The following CSMD1 variants were observed in gnomAD, a reference collection of about 807,000 sequenced individuals.
The protein encoded by CSMD1 is CUB and sushi domain-containing protein 1.
Under a neutral mutation model 417.5 loss-of-function variants are expected in CSMD1, and 213 were observed. That is an observed-to-expected ratio of 0.51 (90% CI 0.46 to 0.57). CSMD1 has a LOEUF of 0.57. Among genes scored for constraint, CSMD1 ranks in the 20% least tolerant of loss-of-function variants. The probability of loss-of-function intolerance (pLI) is 0.00; values close to 1 mark genes in which losing one functional copy is unlikely to be tolerated. For synonymous variants in CSMD1, 2,862 were observed against 1,736.8 expected (o/e 1.65, Z -16.11); for missense variants, 6,923 against 4,529.7 (o/e 1.53, Z -15.17).
At chr8:4,246,510 G>C (rs144704290) in intron 3 of CSMD1, among the ~76,000 whole-genome samples, 4 of 152,200 alleles carry the variant, frequency 2.6e-5, no homozygotes, top group Admixed American at 2.0e-4. Context: ...AAAATTGTAA[G>C]ACCCTTGTGA....
In CSMD1 at chr8:3,091,537, C is replaced by G; in HGVS notation, c.7264G>C (p.Gly2422Arg). The G allele has an allele frequency of 6.2e-7, 1 of 1,605,306 alleles. No homozygotes were observed. Among genetic ancestry groups the G allele is most frequent in the Non-Finnish European group, 8.5e-7 (1 of 1,177,916 alleles). ...TTACCTGCATAGCGAATCTTGAATC[C>G]TTTCTTACTGGTGGCATGGTCAGTG... ...WSTDHATSKK[G>R]FKIRYAAPYC... The change falls in exon 48 of 70, where the codon GGA becomes CGA. Residue 2422 changes from glycine to arginine, a missense_variant. Gly to Arg is a moderately radical substitution (Grantham distance 125, BLOSUM62 -2). Transcript: ENST00000635120.
At chr8:4,296,696 G>A (rs866462967) in intron 3 of CSMD1, among the ~76,000 whole-genome samples, 9 of 114,860 alleles carry the variant, frequency 7.8e-5, no homozygotes, top group African/African-American at 3.0e-4. Context: ...GAAAATAAGG[G>A]TTTTTTTTTT....
chr8:3,021,252 T>C (rs1467515828), intron 51 of CSMD1, among the ~76,000 whole-genome samples: 1 of 152,216 alleles, frequency 6.6e-6, no homozygotes, highest in Admixed American at 6.5e-5. Context: ...TCTAACAAGA[T>C]TTACTCAATT....
chr8:3,087,039 G>T, intron 49 of CSMD1, 58 bp downstream of exon 49: 1 of 1,411,452 alleles, frequency 7.1e-7, no homozygotes, highest in Non-Finnish European at 1.0e-6. Context: ...TTCAGAGAGT[G>T]ATTAAAATGA....
chr8:3,131,735 A>G (rs891749225), intron 41 of CSMD1, among the ~76,000 whole-genome samples: 4 of 152,228 alleles, frequency 2.6e-5, no homozygotes, highest in Middle Eastern at 3.4e-3. Flanking sequence ...GCCTCCCAAA[A>G]TGTTGGGATT....
intron 6 of CSMD1, among the ~76,000 whole-genome samples, chr8:3,720,938 C>G (rs1313116377): frequency 1.3e-5 from 2 of 152,100 alleles, no homozygotes; most frequent in East Asian, 3.9e-4. Context: ...GCCTCAGCCT[C>G]CCAACTAGCT....
At chr8:4,729,905 G>A (rs1157652530) in intron 1 of CSMD1, among the ~76,000 whole-genome samples, 1 of 152,020 alleles carries the variant, frequency 6.6e-6, no homozygotes. Flanking sequence ...AAACTTCAGC[G>A]GGAGTTTTGA....
At chr8:3,958,526 G>A (rs997591759) in intron 5 of CSMD1, among the ~76,000 whole-genome samples, 5 of 151,992 alleles carry the variant, frequency 3.3e-5, no homozygotes, top group African/African-American at 9.7e-5. Context: ...ATTCTTCTGG[G>A]TTTAGTTCTA....
intron 12 of CSMD1, among the ~76,000 whole-genome samples, chr8:3,453,228 C>G (rs921381765): frequency 1.9e-4 from 29 of 151,994 alleles, no homozygotes; most frequent in African/African-American, 6.3e-4. Flanking sequence ...GTCTTGCTAG[C>G]AGTCTATCAA....
intron 10 of CSMD1, among the ~76,000 whole-genome samples, chr8:3,512,510 G>A (rs1213851291): frequency 2.0e-5 from 3 of 151,586 alleles, no homozygotes; most frequent in South Asian, 2.1e-4. Flanking sequence ...CACATGAACG[G>A]CTGGGCTGGT....
chr8:4,818,068 A>T (rs1047893517), intron 1 of CSMD1, among the ~76,000 whole-genome samples: 2 of 152,200 alleles, frequency 1.3e-5, no homozygotes, highest in East Asian at 3.9e-4. Context: ...CAAGGTAACC[A>T]ACTCAGGAGG....
intron 3 of CSMD1, among the ~76,000 whole-genome samples, chr8:4,325,004 G>C (rs572904554): frequency 2.6e-5 from 4 of 152,164 alleles, no homozygotes; most frequent in African/African-American, 9.6e-5. Flanking sequence ...TTCCTGGTGT[G>C]GTCACTCATT....
At chr8:3,250,953 C>G (rs960332079) in intron 26 of CSMD1, among the ~76,000 whole-genome samples, 4 of 152,084 alleles carry the variant, frequency 2.6e-5, no homozygotes, top group African/African-American at 7.2e-5. Flanking sequence ...ATTGTAGATT[C>G]TGGATATTAG....
At chr8:3,514,390 G>T (rs1371671267) in intron 10 of CSMD1, among the ~76,000 whole-genome samples, 1 of 152,146 alleles carries the variant, frequency 6.6e-6, no homozygotes, top group Non-Finnish European at 1.5e-5. Flanking sequence ...AATACAACAT[G>T]CAATCTCTTG....
chr8:3,473,139 G>C (rs535033971), intron 11 of CSMD1, among the ~76,000 whole-genome samples: 8 of 152,226 alleles, frequency 5.3e-5, no homozygotes, highest in African/African-American at 1.4e-4. Flanking sequence ...AACTACTTTA[G>C]ACATACCTCT....
chr8:4,963,469 G>A (rs11136814), intron 1 of CSMD1, among the ~76,000 whole-genome samples: 2,366 of 152,168 alleles, frequency 0.016, 60 homozygotes, highest in African/African-American at 0.054. Context: ...CAAAGTGCTG[G>A]GATTACAGGG....
At chr8:3,595,829 C>T (rs1801065186) in intron 8 of CSMD1, among the ~76,000 whole-genome samples, 1 of 152,194 alleles carries the variant, frequency 6.6e-6, no homozygotes, top group South Asian at 2.1e-4. Flanking sequence ...CCTATCTATA[C>T]AAAGGCAAAA....
intron 3 of CSMD1, among the ~76,000 whole-genome samples, chr8:4,183,431 G>A (rs567338573): frequency 1.8e-4 from 27 of 152,310 alleles, no homozygotes; most frequent in African/African-American, 6.5e-4. Context: ...GTGGGTCACA[G>A]CTTGTCAATA....
At chr8:3,730,338 C>T (rs1428081793) in intron 6 of CSMD1, among the ~76,000 whole-genome samples, 1 of 150,502 alleles carries the variant, frequency 6.6e-6, no homozygotes, top group Non-Finnish European at 1.5e-5. Context: ...CTGATGCATT[C>T]TCCTCATGCT....
Sources: allele counts gnomAD v4.1 joint callset (sites outside exome capture counted in the v4.1 genomes callset), GRCh38; gene constraint gnomAD v4.1.1; transcripts MANE v1.5; gene names NCBI Gene and HGNC (gene_info 2026-07-23, HGNC 2026-07-21).